ESRRG: variants seen among roughly 807,000 people sequenced by gnomAD.
ESRRG encodes estrogen-related receptor gamma.
ESRRG carries 13 observed loss-of-function variants against 44.0 expected under a neutral mutation model. That is an observed-to-expected ratio of 0.30 (90% CI 0.19 to 0.47). The LOEUF is 0.47. Ranked by LOEUF, ESRRG falls within the 20% of genes least tolerant of loss-of-function variation. The pLI is 1.00. For synonymous variants in ESRRG, 215 were observed against 214.6 expected (o/e 1.00, Z -0.02); for missense variants, 395 against 580.6 (o/e 0.68, Z 3.29).
intron 2 of ESRRG, among the ~76,000 whole-genome samples, chr1:216,674,533 A>G (rs757417918): frequency 2.0e-5 from 3 of 152,128 alleles, no homozygotes; most frequent in Non-Finnish European, 4.4e-5. Flanking sequence ...TAAAACTATG[A>G]AAGGCTATGA....
intron 2 of ESRRG, among the ~76,000 whole-genome samples, chr1:216,808,197 G>A (rs185632464): frequency 3.9e-5 from 6 of 151,994 alleles, no homozygotes; most frequent in Non-Finnish European, 8.8e-5. Context: ...TTTTGGATTC[G>A]TGCTGATAAG....
At chr1:216,727,645 A>G (rs943520511), upstream of ESRRG, among the ~76,000 whole-genome samples, 4 of 152,056 alleles carry the variant, frequency 2.6e-5, no homozygotes, top group African/African-American at 9.7e-5. Context: ...GTTGCCTTTC[A>G]TTTCTAGGGC....
intron 2 of ESRRG, among the ~76,000 whole-genome samples, chr1:216,763,207 T>C (rs1398884326): frequency 6.6e-6 from 1 of 152,166 alleles, no homozygotes; most frequent in Non-Finnish European, 1.5e-5. Context: ...GTATTAGATA[T>C]ATTTTCATAT....
chr1:216,682,276 C>T (rs914299518), intron 1 of ESRRG, among the ~76,000 whole-genome samples: 11 of 152,176 alleles, frequency 7.2e-5, no homozygotes, highest in Non-Finnish European at 1.6e-4. Context: ...ATATCTTCTG[C>T]AACTTTTACT....
intron 3 of ESRRG, among the ~76,000 whole-genome samples, chr1:216,594,693 T>G (rs966778316): frequency 7.9e-5 from 12 of 152,204 alleles, no homozygotes; most frequent in Non-Finnish European, 1.6e-4. Flanking sequence ...CATAGTTCAT[T>G]AACACCATTA....
chr1:216,975,448 G>C (rs969317948), intron 1 of ESRRG, among the ~76,000 whole-genome samples: 2 of 152,310 alleles, frequency 1.3e-5, no homozygotes, highest in South Asian at 4.1e-4. Flanking sequence ...GTTGAGCCCA[G>C]GTAACAGGAG....
chr1:216,689,075 G>T (rs1243362612), intron 1 of ESRRG, among the ~76,000 whole-genome samples: 2 of 152,058 alleles, frequency 1.3e-5, no homozygotes, highest in Admixed American at 1.3e-4. Flanking sequence ...ACTGGCATTC[G>T]CAATAATGAG....
At chr1:216,729,156 G>C (rs573372357) in intron 2 of ESRRG, among the ~76,000 whole-genome samples, 10 of 152,282 alleles carry the variant, frequency 6.6e-5, no homozygotes, top group Admixed American at 3.9e-4. Flanking sequence ...TTCGTATGGG[G>C]ATTAAGCAGG....
chr1:216,609,703 T>C (rs1358673033), intron 3 of ESRRG, among the ~76,000 whole-genome samples: 1 of 152,228 alleles, frequency 6.6e-6, no homozygotes, highest in Non-Finnish European at 1.5e-5. Flanking sequence ...TCTATTTTTT[T>C]CTTAAGATAA....
At chr1:216,725,767 T>C (rs2087392025), upstream of ESRRG, among the ~76,000 whole-genome samples, 1 of 152,194 alleles carries the variant, frequency 6.6e-6, no homozygotes, top group South Asian at 2.1e-4. Context: ...ATATAAATTA[T>C]TTAATGTACT....
rs150822869 is a variant in ESRRG at position 216,946,150 on chromosome 1, A to G, written c.-105-6477T>C. Reference sequence around the variant, plus strand: ...GACGTAAAATAAACCAGTACTAACTAGAACCAAGAAATCAGAGATCTAATT... The same window carrying G: ...GACGTAAAATAAACCAGTACTAACTGGAACCAAGAAATCAGAGATCTAATT... On this transcript the variant is annotated intron_variant, in intron 1 of 7. Transcript: ENST00000359162. Among the ~76,000 whole-genome samples the G allele has an allele frequency of 5.3e-3, 801 of 152,340 alleles. 7 individuals carry two copies. The highest frequency in any genetic ancestry group is 0.019 in the African/African-American group (789 of 41,584).
chr1:216,662,837 G>T (rs1574963427), intron 2 of ESRRG, among the ~76,000 whole-genome samples: 1 of 152,200 alleles, frequency 6.6e-6, no homozygotes, highest in South Asian at 2.1e-4. Context: ...TAGCACAAAA[G>T]CAGCCACAGA....
At chr1:216,861,002 A>ACAATAAAT (rs1298026655) in intron 2 of ESRRG, among the ~76,000 whole-genome samples, 5 of 152,162 alleles carry the variant, frequency 3.3e-5, no homozygotes, top group African/African-American at 1.2e-4. Flanking sequence ...TAAGTCTCAA[A>ACAATAAAT]CAATAAATGA....
chr1:217,021,850 G>T (rs1407114267), intron 1 of ESRRG, among the ~76,000 whole-genome samples: 2 of 152,170 alleles, frequency 1.3e-5, no homozygotes, highest in Admixed American at 6.5e-5. Context: ...CCATCCTAAT[G>T]CCCTGTCTTC....
chr1:217,028,010 A>G (rs1306712611), intron 1 of ESRRG, among the ~76,000 whole-genome samples: 2 of 152,130 alleles, frequency 1.3e-5, no homozygotes, highest in African/African-American at 4.8e-5. Flanking sequence ...AATTCATTCC[A>G]TTTTCTAGAA....
intron 2 of ESRRG, among the ~76,000 whole-genome samples, chr1:216,741,219 TA>T (rs1279631783): frequency 6.8e-6 from 1 of 146,998 alleles, no homozygotes; most frequent in Non-Finnish European, 1.5e-5. Flanking sequence ...TAATTTATAT[TA>T]TATAATTTAT....
intron 1 of ESRRG, among the ~76,000 whole-genome samples, chr1:217,038,300 A>G (rs926873002): frequency 4.6e-5 from 7 of 152,180 alleles, no homozygotes; most frequent in African/African-American, 7.2e-5. Context: ...CATACCTCCT[A>G]TGAAATCTAG....
intron 2 of ESRRG, among the ~76,000 whole-genome samples, chr1:216,881,319 G>A (rs1177976391): frequency 3.3e-5 from 5 of 152,024 alleles, no homozygotes; most frequent in African/African-American, 1.2e-4. Context: ...CAAATATAGC[G>A]TCCTCATCTG....
intron 2 of ESRRG, among the ~76,000 whole-genome samples, chr1:216,856,344 C>G (rs2095938311): frequency 7.1e-6 from 1 of 140,084 alleles, no homozygotes; most frequent in Admixed American, 7.1e-5. Flanking sequence ...GTCTCTGCTT[C>G]TCTCTTCAAC....
Sources: allele counts gnomAD v4.1 joint callset (sites outside exome capture counted in the v4.1 genomes callset), GRCh38; gene constraint gnomAD v4.1.1; transcripts MANE v1.5; gene names NCBI Gene and HGNC (gene_info 2026-07-23, HGNC 2026-07-21).